Variants in CFAP54 observed in about 807,000 individuals in gnomAD.
CFAP54 encodes the protein cilia- and flagella-associated protein 54.
In CFAP54, 290 loss-of-function variants were observed where a neutral mutation model predicts 370.4. That is an observed-to-expected ratio of 0.78 (90% CI 0.71 to 0.86). The LOEUF (loss-of-function observed/expected upper bound fraction) is 0.86. Ranked by LOEUF, CFAP54 falls within the 40% of genes least tolerant of loss-of-function variation. The pLI, the probability that CFAP54 is intolerant of heterozygous loss-of-function variation, is 0.00. For synonymous variants in CFAP54, 1,206 were observed against 1,236.5 expected (o/e 0.98, Z 0.52); for missense variants, 3,399 against 3,528.7 (o/e 0.96, Z 0.93).
intron 66 of CFAP54, among the ~76,000 whole-genome samples, chr12:96,838,449 A>G (rs1592800449): frequency 2.6e-5 from 4 of 152,276 alleles, no homozygotes; most frequent in African/African-American, 9.6e-5. Flanking sequence ...TAAAGAAAAA[A>G]GGTTTAATTG....
intron 66 of CFAP54, among the ~76,000 whole-genome samples, chr12:96,860,134 A>ATTTTTTTTTTTTTTTTTTTTTTTTT (rs137937553): frequency 7.8e-6 from 1 of 127,990 alleles, no homozygotes; most frequent in Non-Finnish European, 1.6e-5. Context: ...TTGTTCTCTA[A>ATTTTTTTTTTTTTTTTTTTTTTTTT]TTTTTTTTTT....
chr12:96,644,353 C>T lies in CFAP54; in HGVS notation c.4492C>T (p.Gln1498Ter). 6.5e-7 allele frequency: 1 copy of T among 1,535,938 alleles called. No homozygotes were observed. The highest frequency in any genetic ancestry group is 8.7e-7 in the Non-Finnish European group (1 of 1,146,796). ...LAGAHFNLVLQKLWECTKMKF... is the reference protein window; with the variant it reads ...LAGAHFNLVL ...AGGTGCACACTTTAACCTGGTTTTA[C>T]AAAAGCTATGGGAGTGTACGAAGAT... Residue 1498 changes from glutamine to a stop codon, truncating the protein, a stop_gained, in exon 33 of 68, where the codon CAA (glutamine) becomes TAA (stop). Transcript: ENST00000524981. LOFTEE classifies it high-confidence loss of function.
chr12:96,537,059 A>G (rs1325232293), intron 12 of CFAP54, among the ~76,000 whole-genome samples: 5 of 152,334 alleles, frequency 3.3e-5, no homozygotes, highest in Admixed American at 2.6e-4. Flanking sequence ...CATTGCAGGA[A>G]GGTGCTACAT....
At chr12:96,574,347 T>C (rs1157548945) in intron 19 of CFAP54, among the ~76,000 whole-genome samples, 1 of 152,176 alleles carries the variant, frequency 6.6e-6, no homozygotes. Context: ...TGTCTTTTCA[T>C]TTCCAGGATC....
chr12:96,610,930 C>G (rs1956351431), intron 26 of CFAP54, among the ~76,000 whole-genome samples: 1 of 152,218 alleles, frequency 6.6e-6, no homozygotes, highest in Non-Finnish European at 1.5e-5. Context: ...TCAAGGAGGC[C>G]TGCCTGCCTC....
At chr12:96,577,924 T>C (rs1487803359) in intron 20 of CFAP54, among the ~76,000 whole-genome samples, 1 of 151,856 alleles carries the variant, frequency 6.6e-6, no homozygotes, top group Admixed American at 6.6e-5. Context: ...TAGCTGGGCG[T>C]TGTGGCAGGT....
Position 96,616,417 on chromosome 12 carries a change from C to T in CFAP54, c.3640-5173C>T, listed in dbSNP as rs58456913. On this transcript the variant is annotated intron_variant, in intron 26 of 67. Transcript: ENST00000524981. ...TAGGAGATATATCTAATGTAAATGA[C>T]GAGTTAATGGGCGCAGCACACCAAC... Among the ~76,000 whole-genome samples the T allele has an allele frequency of 3.4e-3, 524 of 152,148 alleles. 4 individuals are homozygous for T. The highest frequency in any genetic ancestry group is 0.012 in the African/African-American group (486 of 41,500).
chr12:96,751,151 A>C (rs1958178765), intron 55 of CFAP54, among the ~76,000 whole-genome samples: 1 of 152,216 alleles, frequency 6.6e-6, no homozygotes, highest in Non-Finnish European at 1.5e-5. Context: ...TTATTACATG[A>C]AAAAGTAGAT....
At chr12:96,827,747 AATACATAGTAACAT>A (rs1444809239) in intron 65 of CFAP54, among the ~76,000 whole-genome samples, 593 of 118,352 alleles carry the variant, frequency 5.0e-3, no homozygotes, top group Middle Eastern at 0.013. Context: ...AATTATATAT[AATACATAGTAACAT>A]ATTATATTAT....
Position 96,658,786 on chromosome 12 carries a change from C to T in CFAP54, c.5460+440C>T, listed in dbSNP as rs12312346. Among the ~76,000 whole-genome samples the T allele has an allele frequency of 6.7e-3, 1,017 of 152,246 alleles. 8 individuals are homozygous for T. Among genetic ancestry groups the T allele is most frequent in the African/African-American group, 0.023 (969 of 41,540 alleles). ...ATGATGATGACTTTTAAAATTACAT[C>T]TCCACTGTAGATCTTTTTCCTAAAT... On this transcript the variant is annotated intron_variant, in intron 38 of 67. Transcript: ENST00000524981.
chr12:96,630,209 G>T lies in CFAP54; in HGVS notation c.4215+5G>T, dbSNP rs767564694. ...GCAGTAATGGAAATTGGAAGAGTAA[G>T]TTTCCTATGAGTTTTGAATTTTAGG... On this transcript the variant is annotated splice_donor_5th_base_variant and intron_variant, in intron 31 of 67. Transcript: ENST00000524981. The T allele has an allele frequency of 1.4e-6, 2 of 1,416,822 alleles. No individual in the cohort carries two copies. The highest frequency in any genetic ancestry group is 2.5e-5 in the South Asian group (2 of 78,854). 87.8% of individuals were successfully genotyped at this position (1,416,822 alleles called of 1,614,324 possible). A position where few individuals can be genotyped will look rare whatever the true frequency, so the allele number is the denominator to read the frequency against.
chr12:96,560,008 T>A (rs573003034), intron 17 of CFAP54, among the ~76,000 whole-genome samples: 2 of 152,286 alleles, frequency 1.3e-5, no homozygotes, highest in South Asian at 2.1e-4. Flanking sequence ...TGGTATATAA[T>A]AATTGTACAT....
chr12:96,681,120 C>G (rs967728361), intron 40 of CFAP54, among the ~76,000 whole-genome samples: 2 of 84,362 alleles, frequency 2.4e-5, no homozygotes, highest in African/African-American at 4.5e-5. Flanking sequence ...AGCACCCCCC[C>G]ACACACACAC....
chr12:96,815,506 C>T (rs957089924), intron 64 of CFAP54, among the ~76,000 whole-genome samples: 1 of 152,042 alleles, frequency 6.6e-6, no homozygotes, highest in Non-Finnish European at 1.5e-5. Context: ...CTGTAGGTTG[C>T]CTGTTCACTC....
At chr12:96,838,212 G>A (rs895526274) in intron 66 of CFAP54, among the ~76,000 whole-genome samples, 1 of 151,988 alleles carries the variant, frequency 6.6e-6, no homozygotes, top group African/African-American at 2.4e-5. Context: ...GCTCAGTAGG[G>A]TATAATTTAT....
At chr12:96,749,287 C>A (rs1423224369) in intron 55 of CFAP54, among the ~76,000 whole-genome samples, 2 of 152,214 alleles carry the variant, frequency 1.3e-5, no homozygotes, top group African/African-American at 4.8e-5. Context: ...TTTACGAGGA[C>A]AAGTCTGTCT....
chr12:96,720,299 C>A, intron 49 of CFAP54, 106 bp from the exon 50 acceptor site: 1 of 1,017,760 alleles, frequency 9.8e-7, no homozygotes, highest in Non-Finnish European at 1.3e-6. Flanking sequence ...TTTTGGTCTT[C>A]CATTCATTGT....
At chr12:96,634,046 C>CTTTTTT (rs71437232) in intron 32 of CFAP54, among the ~76,000 whole-genome samples, 4 of 56,900 alleles carry the variant, frequency 7.0e-5, no homozygotes, top group Non-Finnish European at 1.0e-4. Context: ...TAGCGAACAT[C>CTTTTTT]TTTTTTTTTT....
At chr12:96,749,273 G>A (rs898890574) in intron 55 of CFAP54, among the ~76,000 whole-genome samples, 1 of 152,210 alleles carries the variant, frequency 6.6e-6, no homozygotes, top group Non-Finnish European at 1.5e-5. Flanking sequence ...TCTCAAGTTT[G>A]TCTTTTACGA....
Sources: allele counts gnomAD v4.1 joint callset (sites outside exome capture counted in the v4.1 genomes callset), GRCh38; gene constraint gnomAD v4.1.1; transcripts MANE v1.5; gene names NCBI Gene and HGNC (gene_info 2026-07-23, HGNC 2026-07-21).